The following ITGA8 variants were observed in gnomAD, a reference collection of about 807,000 sequenced individuals.
ITGA8 encodes integrin alpha-8.
In ITGA8, 91 loss-of-function variants were observed where a neutral mutation model predicts 142.3. The ratio of observed to expected loss-of-function variants is 0.64; its 90% CI spans 0.54 to 0.76. The LOEUF (loss-of-function observed/expected upper bound fraction) is 0.76, where lower values mean the gene tolerates loss of function less well. Ranked by LOEUF, ITGA8 falls within the 30% of genes least tolerant of loss-of-function variation. The pLI, the probability that ITGA8 is intolerant of heterozygous loss-of-function variation, is 0.00. For synonymous variants in ITGA8, 505 were observed against 485.2 expected, an observed-to-expected ratio of 1.04 and a Z score of -0.54; for missense variants, 1,406 against 1,327.7, an observed-to-expected ratio of 1.06 and a Z score of -0.92.
chr10:15,572,494 C>G (rs555897555), intron 24 of ITGA8, 125 bp from the exon 25 acceptor site: 9 of 836,876 alleles, frequency 1.1e-5, no homozygotes, highest in African/African-American at 3.4e-5. Context: ...TGGACTATGA[C>G]TATGGAAAAT....
intron 24 of ITGA8, among the ~76,000 whole-genome samples, chr10:15,575,226 A>G (rs986228609): frequency 7.9e-5 from 12 of 151,944 alleles, no homozygotes; most frequent in African/African-American, 2.4e-4. Context: ...CCGTCTCTAG[A>G]AAAAAATACA....
intron 11 of ITGA8, among the ~76,000 whole-genome samples, chr10:15,647,927 C>T (rs1312686327): frequency 5.9e-5 from 9 of 151,914 alleles, no homozygotes; most frequent in Admixed American, 2.6e-4. Flanking sequence ...TCTTTGGATA[C>T]ATAGATTATA....
chr10:15,586,049 ATTTTTTTTTTTTT>A lies in ITGA8; in HGVS notation c.2372+522_2372+534del, dbSNP rs59435924. 5.2e-5 allele frequency among the ~76,000 whole-genome samples: 4 copies of A among 76,810 alleles called. No individual in the cohort carries two copies. The East Asian group carries it at 1.3e-3, about 26-fold the overall frequency. The allele number at this position is 76,810 out of a possible 152,430, so 50.4% of individuals were successfully genotyped here. On this transcript the variant is annotated intron_variant, in intron 23 of 29. Coordinates refer to ENST00000378076, the MANE Select transcript of ITGA8 (RefSeq NM_003638.3). ...CACTGTCAATTTGGGGAATAAAGTG[ATTTTTTTTTTTTT>A]TTTTTTTTTTTTTGAGATGGAGTTT...
At chr10:15,616,690 A>G in intron 13 of ITGA8, 131 bp from the exon 14 acceptor site, 7 of 749,624 alleles carry the variant, frequency 9.3e-6, no homozygotes, top group Non-Finnish European at 1.2e-5. Context: ...TAGAAGAGAA[A>G]TCACACCTTT....
chr10:15,543,165 C>G (rs530163372), intron 27 of ITGA8, among the ~76,000 whole-genome samples: 5 of 152,226 alleles, frequency 3.3e-5, no homozygotes, highest in Non-Finnish European at 5.9e-5. Context: ...GAATTTGAGC[C>G]CCATGAAAGT....
At chr10:15,543,773 C>T (rs767225956) in intron 27 of ITGA8, among the ~76,000 whole-genome samples, 5 of 152,030 alleles carry the variant, frequency 3.3e-5, no homozygotes, top group African/African-American at 7.2e-5. Context: ...CTTAGAATCT[C>T]GTAATATGAC....
intron 2 of ITGA8, among the ~76,000 whole-genome samples, chr10:15,696,854 C>A (rs1349265919): frequency 7.3e-6 from 1 of 136,328 alleles, no homozygotes; most frequent in East Asian, 2.1e-4. Flanking sequence ...AAAACCCTAA[C>A]TCTTACCAAA....
At chr10:15,589,902 A>G (rs200771509) in intron 22 of ITGA8, among the ~76,000 whole-genome samples, 2 of 151,878 alleles carry the variant, frequency 1.3e-5, no homozygotes, top group East Asian at 3.9e-4. Flanking sequence ...AGCTGGGACT[A>G]CAGGCGTGCA....
chr10:15,518,541 T>C (rs1216548718), intron 29 of ITGA8, among the ~76,000 whole-genome samples: 1 of 152,246 alleles, frequency 6.6e-6, no homozygotes, highest in Non-Finnish European at 1.5e-5. Flanking sequence ...AAAAGCGCAC[T>C]ATGATTTTAG....
intron 26 of ITGA8, 48 bp from the exon 27 acceptor site, chr10:15,548,616 G>T: frequency 8.6e-7 from 1 of 1,164,022 alleles, no homozygotes; most frequent in East Asian, 2.4e-5. Context: ...TCATGGTAGA[G>T]ACTGAACACT....
intron 2 of ITGA8, among the ~76,000 whole-genome samples, chr10:15,703,475 G>A (rs113259949): frequency 5.3e-5 from 8 of 152,088 alleles, no homozygotes; most frequent in African/African-American, 1.9e-4. Context: ...TGGATTATAC[G>A]ATGCAAATAA....
At chr10:15,698,887 T>C (rs1440993998) in intron 2 of ITGA8, among the ~76,000 whole-genome samples, 1 of 152,238 alleles carries the variant, frequency 6.6e-6, no homozygotes, top group Non-Finnish European at 1.5e-5. Flanking sequence ...CAATTATTTA[T>C]TTTGCTGTGC....
intron 8 of ITGA8, among the ~76,000 whole-genome samples, chr10:15,664,244 G>T (rs530769951): frequency 2.0e-5 from 3 of 151,394 alleles, no homozygotes; most frequent in African/African-American, 4.8e-5. Context: ...AAACCCAAGA[G>T]GTCTGGCTCC....
At chr10:15,697,913 AT>A (rs1176384197) in intron 2 of ITGA8, among the ~76,000 whole-genome samples, 1 of 152,004 alleles carries the variant, frequency 6.6e-6, no homozygotes, top group African/African-American at 2.4e-5. Context: ...TCTTAAATTT[AT>A]TTTTTATTTC....
At chr10:15,580,585 C>G (rs1009515990) in intron 23 of ITGA8, among the ~76,000 whole-genome samples, 5 of 152,152 alleles carry the variant, frequency 3.3e-5, no homozygotes, top group African/African-American at 1.2e-4. Context: ...ATCATCAACA[C>G]TAAATGTGTT....
intron 13 of ITGA8, among the ~76,000 whole-genome samples, chr10:15,620,588 A>T (rs1833471975): frequency 6.6e-6 from 1 of 152,232 alleles, no homozygotes; most frequent in Admixed American, 6.5e-5. Context: ...CCTACCACAA[A>T]AGTATGTTTG....
intron 10 of ITGA8, among the ~76,000 whole-genome samples, chr10:15,656,177 C>T (rs181506240): frequency 2.0e-5 from 3 of 152,064 alleles, no homozygotes; most frequent in South Asian, 2.1e-4. Flanking sequence ...CTTGTGAGTG[C>T]GCTGATGACA....
At chr10:15,707,996 A>ACACACC (rs1554789987) in intron 2 of ITGA8, among the ~76,000 whole-genome samples, 1 of 145,474 alleles carries the variant, frequency 6.9e-6, no homozygotes, top group South Asian at 2.2e-4. Context: ...ACACACACAC[A>ACACACC]CCATTCTCTG....
At chr10:15,668,703 A>C (rs1834446753) in intron 8 of ITGA8, among the ~76,000 whole-genome samples, 1 of 152,122 alleles carries the variant, frequency 6.6e-6, no homozygotes, top group African/African-American at 2.4e-5. Context: ...GAGCTCTTTT[A>C]GGGCAGGCCT....
Sources: gnomAD v4.1 joint callset for allele counts (sites outside exome capture counted in the v4.1 genomes callset) on GRCh38, gnomAD v4.1.1 for gene constraint, MANE v1.5 for transcripts, NCBI Gene and HGNC (gene_info 2026-07-23, HGNC 2026-07-21) for gene names.